Variants in ADCY1 observed in about 807,000 individuals in gnomAD.
ADCY1 encodes the protein adenylate cyclase type 1.
A neutral mutation model predicts 105.4 loss-of-function variants in ADCY1; 28 were observed. That is an observed-to-expected ratio of 0.27 (90% CI 0.20 to 0.36). The LOEUF (loss-of-function observed/expected upper bound fraction) is 0.36, where lower values mean the gene tolerates loss of function less well. ADCY1 is among the 10% of genes least tolerant of loss of function. The pLI, the probability that ADCY1 is intolerant of heterozygous loss-of-function variation, is 1.00. For synonymous variants in ADCY1, 655 were observed against 623.8 expected (o/e 1.05, Z -0.75); for missense variants, 977 against 1,434.2 (o/e 0.68, Z 5.15).
chr7:45,686,791 C>A lies in ADCY1; in HGVS notation c.2454+118C>A, dbSNP rs1784686838. On this transcript the variant is annotated intron_variant, in intron 14 of 19. Coordinates refer to ENST00000297323, the MANE Select transcript of ADCY1 (RefSeq NM_021116.4). This position sits in a 1 kb window ranked among gnomAD's most constrained non-coding sequence, Gnocchi z 4.3. ...CACACGCCGTATGGCCCTCGGAGGG[C>A]CCTCCTCAGCAGCATGCAAGCCAGG... 1.4e-6 allele frequency: 2 copies of A among 1,400,126 alleles called. No homozygotes were observed. Among genetic ancestry groups the A allele is most frequent in the African/African-American group, 1.4e-5 (1 of 69,714 alleles). The allele number at this position is 1,400,126 out of a possible 1,614,324, so 86.7% of individuals were successfully genotyped here.
intron 2 of ADCY1, among the ~76,000 whole-genome samples, chr7:45,595,643 G>A (rs763712876): frequency 7.2e-5 from 11 of 152,290 alleles, no homozygotes; most frequent in Non-Finnish European, 1.5e-4. Flanking sequence ...GTTTCCCCAG[G>A]TCTGTTCCTC....
intron 14 of ADCY1, among the ~76,000 whole-genome samples, chr7:45,700,714 A>G (rs535128359): frequency 6.6e-6 from 1 of 152,150 alleles, no homozygotes; most frequent in Non-Finnish European, 1.5e-5. Flanking sequence ...TGCAGGAGGG[A>G]GGTGGGGACA....
At chr7:45,627,431 G>A (rs1794093361) in intron 4 of ADCY1, among the ~76,000 whole-genome samples, 1 of 152,222 alleles carries the variant, frequency 6.6e-6, no homozygotes, top group Non-Finnish European at 1.5e-5. Flanking sequence ...TTTCCAGGGA[G>A]GGGTTGGCCT....
chr7:45,688,401 G>C (rs971680402), intron 14 of ADCY1, among the ~76,000 whole-genome samples: 3 of 152,180 alleles, frequency 2.0e-5, no homozygotes, highest in Admixed American at 1.3e-4. Flanking sequence ...AGCCATTTTT[G>C]GGGGGATCTC....
At chr7:45,589,678 C>T (rs564447898) in intron 1 of ADCY1, among the ~76,000 whole-genome samples, 58 of 152,132 alleles carry the variant, frequency 3.8e-4, no homozygotes, top group African/African-American at 1.2e-3. Flanking sequence ...GTGGGTGTCT[C>T]GGCGGGTGAG....
At chr7:45,621,410 G>A (rs1793883715) in intron 3 of ADCY1, among the ~76,000 whole-genome samples, 1 of 152,114 alleles carries the variant, frequency 6.6e-6, no homozygotes, top group Admixed American at 6.5e-5. Flanking sequence ...CTAGAGCAAT[G>A]CCAGCACATA....
chr7:45,713,323 A>C (rs1562736849), intron 19 of ADCY1, among the ~76,000 whole-genome samples: 1 of 152,120 alleles, frequency 6.6e-6, no homozygotes, highest in Non-Finnish European at 1.5e-5. Context: ...AGGTCCCTAC[A>C]AGCAAGCCCT....
At chr7:45,635,228 T>C (rs905009495) in intron 4 of ADCY1, among the ~76,000 whole-genome samples, 5 of 151,984 alleles carry the variant, frequency 3.3e-5, no homozygotes, top group African/African-American at 9.7e-5. Context: ...TATAGTGATG[T>C]CACCTCTTTT....
In ADCY1 at chr7:45,592,912, A is replaced by G. The variant is rs770324871; in HGVS notation, c.789+4A>G. The G allele has an allele frequency of 3.1e-6, 5 of 1,614,172 alleles. No individual in the cohort carries two copies. The highest frequency in any genetic ancestry group is 4.2e-6 in the Non-Finnish European group (5 of 1,180,022). Reference sequence around the variant, plus strand: ...GGAGGATGAGAACGAGAAGCAGGTCAGTGGCTTGGGCCAGTCAGCCTAGAG... The same window carrying G: ...GGAGGATGAGAACGAGAAGCAGGTCGGTGGCTTGGGCCAGTCAGCCTAGAG... On this transcript the variant is annotated splice_donor_region_variant and intron_variant, in intron 2 of 19. Coordinates refer to ENST00000297323, the MANE Select transcript of ADCY1 (RefSeq NM_021116.4).
intron 8 of ADCY1, chr7:45,664,632 T>C: frequency 1.4e-6 from 1 of 732,410 alleles, no homozygotes; most frequent in Non-Finnish European, 1.9e-6. Context: ...TTTCTTAAGT[T>C]TGTGTGTCTG....
intron 4 of ADCY1, among the ~76,000 whole-genome samples, chr7:45,625,494 T>A (rs1241317956): frequency 2.0e-5 from 3 of 151,852 alleles, no homozygotes; most frequent in Non-Finnish European, 4.4e-5. Flanking sequence ...CACACGTGTG[T>A]ACACATGAAT....
intron 14 of ADCY1, among the ~76,000 whole-genome samples, chr7:45,698,384 C>T (rs1371237763): frequency 6.6e-6 from 1 of 152,170 alleles, no homozygotes; most frequent in South Asian, 2.1e-4. Context: ...TAATGTAAAT[C>T]ACATTTCTCC....
At position 45,686,579 on chromosome 7, in the gene ADCY1, C is replaced by T. The variant is rs377492564; in HGVS notation, c.2360C>T (p.Pro787Leu). Residue 787 changes from proline (P) to leucine (L), a missense_variant, in exon 14 of 20, where the codon CCG (proline) becomes CTG (leucine). Coordinates refer to ENST00000297323, the MANE Select transcript of ADCY1 (RefSeq NM_021116.4). The surrounding 1 kb of genome is among the most constrained non-coding windows in gnomAD (Gnocchi z 4.3). ...GCCGTCTCCGGGCGCAGCTACGAGC[C>T]GATTGTGGCCATCCTGCTCTTCTCC... is the stretch of plus-strand genomic sequence containing the variant. ...GGAVSGRSYEPIVAILLFSCA... is the reference protein window; with the variant it reads ...GGAVSGRSYELIVAILLFSCA... The T allele has an allele frequency of 2.3e-5, 37 of 1,613,238 alleles. 1 individual carries two copies. The highest frequency in any genetic ancestry group is 2.8e-5 in the Non-Finnish European group (33 of 1,179,392).
rs953976769 is a variant in ADCY1 at position 45,658,034 on chromosome 7, C to T, written c.1307+149C>T. The T allele has an allele frequency of 8.6e-6, 8 of 928,826 alleles. No homozygotes were observed. In the Admixed American group the frequency reaches 2.0e-4, roughly 23 times the overall value. 57.5% of individuals were successfully genotyped at this position (928,826 alleles called of 1,614,324 possible). ...AGCCTGCCTGTCCCAGCCGCACCTG[C>T]CAACCAGACTCCCTGTGGTGGGCGT... On this transcript the variant is annotated intron_variant, in intron 6 of 19. Transcript: ENST00000297323.
At chr7:45,604,164 C>T (rs556030811) in intron 2 of ADCY1, among the ~76,000 whole-genome samples, 2 of 152,134 alleles carry the variant, frequency 1.3e-5, no homozygotes, top group Non-Finnish European at 2.9e-5. Flanking sequence ...ATTTATGTAC[C>T]CAGCAACATA....
At chr7:45,660,209 G>C (rs1172936018) in intron 7 of ADCY1, 26 bp downstream of exon 7, 35 of 1,613,414 alleles carry the variant, frequency 2.2e-5, no homozygotes, top group Non-Finnish European at 2.6e-5. Context: ...CCCCTCATTT[G>C]GTTGATCCTT....
intron 5 of ADCY1, among the ~76,000 whole-genome samples, chr7:45,651,555 C>T (rs1794812863): frequency 6.6e-6 from 1 of 152,152 alleles, no homozygotes; most frequent in Non-Finnish European, 1.5e-5. Context: ...CTAACCTTTC[C>T]CCGCAGGGCT....
In ADCY1 at chr7:45,591,423, T is replaced by C. The variant is rs1792913506; in HGVS notation, c.640-1336T>C. On this transcript the variant is annotated intron_variant, in intron 1 of 19. Transcript: ENST00000297323. This position sits in a 1 kb window ranked among gnomAD's most constrained non-coding sequence, Gnocchi z 4.1. The stretch of plus-strand genomic sequence containing the variant: ...GTGGCAGCTGCTCCCCACACTACTG[T>C]GTGAGTTTGTTTTTGATTTTAGTTC... Among the ~76,000 whole-genome samples the C allele has an allele frequency of 6.6e-6, 1 of 152,208 alleles. No homozygotes were observed. The highest frequency in any genetic ancestry group is 2.4e-5 in the African/African-American group (1 of 41,456).
intron 17 of ADCY1, 80 bp downstream of exon 17, chr7:45,704,696 C>T: frequency 8.6e-7 from 1 of 1,156,158 alleles, no homozygotes; most frequent in Non-Finnish European, 1.3e-6. Flanking sequence ...TGGGTAGCTT[C>T]CACACTGGGG....
Sources: allele counts gnomAD v4.1 joint callset (sites outside exome capture counted in the v4.1 genomes callset), GRCh38; gene constraint gnomAD v4.1.1; non-coding constraint Gnocchi (gnomAD v3.1); transcripts MANE v1.5; gene names NCBI Gene and HGNC (gene_info 2026-07-23, HGNC 2026-07-21).